The following ATP10B variants were observed in gnomAD, a reference collection of about 807,000 sequenced individuals.
ATP10B encodes phospholipid-transporting ATPase VB.
In ATP10B, 122 loss-of-function variants were observed where a neutral mutation model predicts 141.2. That is an observed-to-expected ratio of 0.86 (90% confidence interval 0.75 to 1.00). The LOEUF is 1.00. ATP10B is among the 50% of genes least tolerant of loss of function. ATP10B has a pLI of 0.00. For missense variants in ATP10B, 1,876 were observed against 1,825.3 expected (o/e 1.03, Z -0.51); for synonymous variants, 685 against 692.0 (o/e 0.99, Z 0.16).
At chr5:160,657,485 T>A (rs1271060910) in intron 7 of ATP10B, among the ~76,000 whole-genome samples, 1 of 152,172 alleles carries the variant, frequency 6.6e-6, no homozygotes, top group Non-Finnish European at 1.5e-5. Context: ...CTAGTGATTC[T>A]CCCACAAAAG....
chr5:160,596,029 C>G (rs1272779724), intron 22 of ATP10B, among the ~76,000 whole-genome samples: 1 of 151,944 alleles, frequency 6.6e-6, no homozygotes, highest in African/African-American at 2.4e-5. Flanking sequence ...GGAATCCTCC[C>G]TAACTCATTT....
the ATP10B span, among the ~76,000 whole-genome samples, chr5:160,876,134 A>G: frequency 3.3e-5 from 2 of 61,150 alleles, no homozygotes; most frequent in African/African-American, 7.7e-5. Context: ...CATACTTGGA[A>G]GTAAAGCTCT....
chr5:160,685,170 T>C (rs1469418492), intron 6 of ATP10B: 6 of 643,680 alleles, frequency 9.3e-6, no homozygotes, highest in Admixed American at 2.5e-5. Flanking sequence ...AGACCACTAC[T>C]CGCTTCTTGT....
At chr5:160,830,500 A>G (rs553904331) in intron 1 of ATP10B, among the ~76,000 whole-genome samples, 1 of 152,218 alleles carries the variant, frequency 6.6e-6, no homozygotes, top group Non-Finnish European at 1.5e-5. Flanking sequence ...TTGAGCCTTA[A>G]AAACCAATGC....
chr5:160,765,141 T>A (rs974874949), intron 2 of ATP10B, among the ~76,000 whole-genome samples: 1 of 152,048 alleles, frequency 6.6e-6, no homozygotes, highest in Non-Finnish European at 1.5e-5. Flanking sequence ...AAAATGACCA[T>A]CCTGCCAAAA....
At chr5:160,735,020 A>T (rs998775971) in intron 2 of ATP10B, among the ~76,000 whole-genome samples, 2 of 151,774 alleles carry the variant, frequency 1.3e-5, no homozygotes, top group Non-Finnish European at 1.5e-5. Flanking sequence ...GAAAAGCAAG[A>T]AACTAAATAA....
chr5:160,803,808 G>A (rs1020477185), intron 1 of ATP10B, among the ~76,000 whole-genome samples: 1 of 152,224 alleles, frequency 6.6e-6, no homozygotes, highest in Non-Finnish European at 1.5e-5. Flanking sequence ...TCTGGATAAT[G>A]TGAGGTGCTA....
the ATP10B span, among the ~76,000 whole-genome samples, chr5:160,922,442 A>G: frequency 3.3e-5 from 5 of 152,208 alleles, no homozygotes; most frequent in Non-Finnish European, 2.9e-5. Flanking sequence ...GATTCACTGA[A>G]AAGGAAGTAA....
chr5:160,649,183 A>T lies in ATP10B; in HGVS notation c.749T>A (p.Phe250Tyr). ...ATGAGATACTTACATATAACCCTTA[A>T]ATTTGTTGAGGTGGTTGTTGGGTTT... ...CEKPNNHLNK[F>Y]KGYMEHPDQT... Residue 250 changes from phenylalanine (F) to tyrosine (Y), a missense_variant, in exon 8 of 26, where the codon TTT becomes TAT. Transcript: ENST00000327245. The T allele has an allele frequency of 6.2e-7, 1 of 1,613,116 alleles. No individual in the cohort carries two copies. The highest frequency in any genetic ancestry group is 8.5e-7 in the Non-Finnish European group (1 of 1,179,210).
the ATP10B span, among the ~76,000 whole-genome samples, chr5:160,860,251 T>C: frequency 5.3e-5 from 8 of 151,914 alleles, no homozygotes; most frequent in Non-Finnish European, 1.0e-4. Flanking sequence ...TACAAATGTA[T>C]AAAGTAGTAG....
rs1458856818 is a variant in ATP10B at position 160,802,575 on chromosome 5, G to A, written c.-575-16772C>T. Among the ~76,000 whole-genome samples, 3 of 152,186 alleles carry A rather than the reference G, an allele frequency of 2.0e-5. No individual in the cohort carries two copies. The East Asian group carries it at 5.8e-4, about 29-fold the overall frequency. On this transcript the variant is annotated intron_variant, in intron 1 of 25. Coordinates refer to ENST00000327245, the MANE Select transcript of ATP10B (RefSeq NM_025153.3). The stretch of plus-strand genomic sequence containing the variant: ...TCCCCAACAAAACATCAGTAGAACT[G>A]AAGGGGAGAAACCCTGACTTAGACA...
intron 7 of ATP10B, among the ~76,000 whole-genome samples, chr5:160,653,226 C>T (rs1448106074): frequency 7.5e-6 from 1 of 132,596 alleles, no homozygotes; most frequent in Non-Finnish European, 1.5e-5. Flanking sequence ...TATATACATA[C>T]AAATATGTAG....
intron 1 of ATP10B, among the ~76,000 whole-genome samples, chr5:160,796,529 C>T (rs1771959544): frequency 6.6e-6 from 1 of 152,038 alleles, no homozygotes. Context: ...CAGATGCATT[C>T]AGGGTACAAG....
At chr5:160,877,022 C>T in the ATP10B span, among the ~76,000 whole-genome samples, 1 of 151,906 alleles carries the variant, frequency 6.6e-6, no homozygotes, top group Non-Finnish European at 1.5e-5. Context: ...GGAATCCTCC[C>T]CTAACTCATT....
chr5:160,670,483 C>G lies in ATP10B; in HGVS notation c.655G>C (p.Val219Leu), dbSNP rs139187738. ...GETNLKQRCV[V>L]KGFSQQEVQF... is the part of the protein sequence containing the mutation. Reference sequence around the variant, plus strand: ...CCTACCTGCTGTGAGAAGCCCTTCACGACACATCTTTGCTTGAGGTTTGTC... The same window carrying G: ...CCTACCTGCTGTGAGAAGCCCTTCAGGACACATCTTTGCTTGAGGTTTGTC... Residue 219 changes from valine to leucine, a missense_variant, in exon 7 of 26, where the codon GTG becomes CTG. Coordinates refer to ENST00000327245, the MANE Select transcript of ATP10B (RefSeq NM_025153.3). 1 of 1,613,986 alleles carries G rather than the reference C, an allele frequency of 6.2e-7. No homozygotes were observed. Among genetic ancestry groups the G allele is most frequent in the African/African-American group, 1.3e-5 (1 of 75,000 alleles).
At chr5:160,742,327 C>G (rs1581447499) in intron 2 of ATP10B, among the ~76,000 whole-genome samples, 1 of 151,968 alleles carries the variant, frequency 6.6e-6, no homozygotes, top group Non-Finnish European at 1.5e-5. Flanking sequence ...TACTCACATC[C>G]TTCACTGCTG....
At chr5:160,793,688 C>T (rs1197245788) in intron 1 of ATP10B, among the ~76,000 whole-genome samples, 2 of 152,296 alleles carry the variant, frequency 1.3e-5, no homozygotes, top group South Asian at 2.1e-4. Flanking sequence ...AACAGTAGTA[C>T]ACAGTAATGT....
intron 13 of ATP10B, among the ~76,000 whole-genome samples, chr5:160,629,840 G>C (rs893266645): frequency 6.6e-6 from 1 of 152,206 alleles, no homozygotes; most frequent in African/African-American, 2.4e-5. Flanking sequence ...GACTCCACGT[G>C]TGCCTAATTC....
intron 3 of ATP10B, among the ~76,000 whole-genome samples, chr5:160,715,212 G>T (rs1262169324): frequency 7.4e-6 from 1 of 135,448 alleles, no homozygotes; most frequent in Non-Finnish European, 1.6e-5. Context: ...CCCTCCCCCA[G>T]CCTCGTTGCT....
Sources: gnomAD v4.1 joint callset for allele counts (sites outside exome capture counted in the v4.1 genomes callset) on GRCh38, gnomAD v4.1.1 for gene constraint, MANE v1.5 for transcripts, NCBI Gene and HGNC (gene_info 2026-07-23, HGNC 2026-07-21) for gene names.